IGF2BP2: variants seen among roughly 807,000 people sequenced by gnomAD.
The protein encoded by IGF2BP2 is insulin like growth factor 2 mRNA binding protein 2.
Under a neutral mutation model 75.8 loss-of-function variants are expected in IGF2BP2, and 17 were observed. The observed-to-expected ratio is 0.22, with a 90% CI of 0.15 to 0.34. The LOEUF (loss-of-function observed/expected upper bound fraction) is 0.34, where lower values mean the gene tolerates loss of function less well. Among genes scored for constraint, IGF2BP2 ranks in the 10% least tolerant of loss-of-function variants. The pLI, the probability that IGF2BP2 is intolerant of heterozygous loss-of-function variation, is 1.00. For synonymous variants in IGF2BP2, 288 were observed against 295.6 expected (o/e 0.97, Z 0.26); for missense variants, 516 against 772.4 (o/e 0.67, Z 3.93).
chr3:185,674,142 G>T (rs1051817769), intron 9 of IGF2BP2, among the ~76,000 whole-genome samples: 2 of 152,190 alleles, frequency 1.3e-5, no homozygotes, highest in African/African-American at 4.8e-5. Flanking sequence ...GTGCTGCAGT[G>T]AGGGACCTGG....
chr3:185,789,976 T>C (rs904104124), intron 2 of IGF2BP2, among the ~76,000 whole-genome samples: 10 of 152,138 alleles, frequency 6.6e-5, no homozygotes, highest in Admixed American at 1.3e-4. Flanking sequence ...TCAGGTTACC[T>C]GCCCACCTCA....
intron 2 of IGF2BP2, among the ~76,000 whole-genome samples, chr3:185,706,562 A>C (rs1724050550): frequency 6.6e-6 from 1 of 152,258 alleles, no homozygotes; most frequent in Admixed American, 6.5e-5. Flanking sequence ...TAGAACTTGC[A>C]TGAAATGACC....
chr3:185,707,968 A>G (rs1724285141), intron 2 of IGF2BP2, among the ~76,000 whole-genome samples: 1 of 152,212 alleles, frequency 6.6e-6, no homozygotes, highest in South Asian at 2.1e-4. Flanking sequence ...GATGAAGTCT[A>G]ATGTTTCTGA....
Position 185,787,241 on chromosome 3 carries a change from A to G in IGF2BP2, c.239+35912T>C, listed in dbSNP as rs147356642. On this transcript the variant is annotated intron_variant, in intron 2 of 15. Transcript: ENST00000382199. ...ATGGCTGCATAAACAACGTGAATGT[A>G]GTTAACGCTCCTGAGTTGCACACTT... 1.8e-3 allele frequency among the ~76,000 whole-genome samples: 276 copies of G among 152,344 alleles called. 3 individuals carry two copies. The highest frequency in any genetic ancestry group is 6.1e-3 in the African/African-American group (252 of 41,580).
At chr3:185,710,987 C>T (rs895096870) in intron 2 of IGF2BP2, among the ~76,000 whole-genome samples, 3 of 152,004 alleles carry the variant, frequency 2.0e-5, no homozygotes, top group Non-Finnish European at 2.9e-5. Flanking sequence ...CCTAATGTCA[C>T]GTGATTTAAA....
chr3:185,823,110 G>A (rs1741573784), intron 2 of IGF2BP2, 43 bp downstream of exon 2: 2 of 1,362,494 alleles, frequency 1.5e-6, no homozygotes, highest in Non-Finnish European at 2.0e-6. Flanking sequence ...TTACTTATAC[G>A]TAAGGCCAAT....
intron 2 of IGF2BP2, among the ~76,000 whole-genome samples, chr3:185,775,297 G>A (rs1734406283): frequency 6.6e-6 from 1 of 152,210 alleles, no homozygotes; most frequent in African/African-American, 2.4e-5. Context: ...TTTTGTAAAG[G>A]AGTTGTTCCA....
intron 7 of IGF2BP2, among the ~76,000 whole-genome samples, chr3:185,680,098 A>G (rs1382143476): frequency 6.6e-6 from 1 of 152,210 alleles, no homozygotes. Flanking sequence ...TTCAATAACT[A>G]CAATCAGAAA....
intron 10 of IGF2BP2, among the ~76,000 whole-genome samples, chr3:185,661,890 T>TG (rs1313982455): frequency 6.6e-6 from 1 of 151,794 alleles, no homozygotes; most frequent in Non-Finnish European, 1.5e-5. Flanking sequence ...AGGGAGGAGA[T>TG]GGAGCCCCAG....
At chr3:185,742,367 G>T (rs1295297638) in intron 2 of IGF2BP2, among the ~76,000 whole-genome samples, 1 of 152,080 alleles carries the variant, frequency 6.6e-6, no homozygotes, top group Admixed American at 6.6e-5. Flanking sequence ...ATGGTGCCGG[G>T]TGCCCGTAAT....
intron 2 of IGF2BP2, 150 bp downstream of exon 2, chr3:185,823,003 A>G (rs1741559417): frequency 2.0e-6 from 1 of 500,152 alleles, no homozygotes; most frequent in East Asian, 3.4e-5. Flanking sequence ...AAAAAAAAAA[A>G]GTAGCTTTCT....
intron 2 of IGF2BP2, among the ~76,000 whole-genome samples, chr3:185,753,994 A>C (rs1560415269): frequency 6.6e-6 from 1 of 152,026 alleles, no homozygotes; most frequent in African/African-American, 2.4e-5. Context: ...ACTTGAGCTC[A>C]GGAGTTCGAG....
intron 11 of IGF2BP2, 90 bp from the exon 12 acceptor site, chr3:185,657,492 C>A: frequency 1.0e-6 from 1 of 977,500 alleles, no homozygotes; most frequent in East Asian, 2.4e-5. Flanking sequence ...TACCATGAAC[C>A]CCATGGTGGG....
chr3:185,668,846 G>A (rs532265990), intron 10 of IGF2BP2, among the ~76,000 whole-genome samples: 6 of 152,058 alleles, frequency 3.9e-5, no homozygotes, highest in Non-Finnish European at 5.9e-5. Flanking sequence ...CTTAATTACC[G>A]TTATAACAAT....
chr3:185,761,656 T>TA (rs941146187), intron 2 of IGF2BP2, among the ~76,000 whole-genome samples: 5 of 152,342 alleles, frequency 3.3e-5, no homozygotes, highest in African/African-American at 1.2e-4. Flanking sequence ...CCTCCCCTGA[T>TA]AGAGTTCAAC....
At position 185,643,197 on chromosome 3, in the gene IGF2BP2, G is replaced by A. The variant is rs550350987; in HGVS notation, c.*2334C>T. ...GGTGGTCTGGAACTGAACCTGCGACGTTCCTGAGGTATGCCTGCACTTACT... is the reference window on the plus strand; with the variant it reads ...GGTGGTCTGGAACTGAACCTGCGACATTCCTGAGGTATGCCTGCACTTACT... On this transcript the variant is annotated 3_prime_UTR_variant, in exon 16 of 16. Coordinates refer to ENST00000382199, the MANE Select transcript of IGF2BP2 (RefSeq NM_006548.6). Among the ~76,000 whole-genome samples, 28 of 152,300 alleles carry A rather than the reference G, an allele frequency of 1.8e-4. No homozygotes were observed. Among genetic ancestry groups the A allele is most frequent in the African/African-American group, 6.0e-4 (25 of 41,560 alleles).
intron 2 of IGF2BP2, among the ~76,000 whole-genome samples, chr3:185,776,248 A>C (rs755436367): frequency 3.0e-4 from 45 of 152,148 alleles, no homozygotes; most frequent in Admixed American, 9.8e-4. Context: ...TCTGCCTCTA[A>C]AAAAATAATA....
At chr3:185,749,502 C>CT (rs1415466265) in intron 2 of IGF2BP2, among the ~76,000 whole-genome samples, 1 of 152,174 alleles carries the variant, frequency 6.6e-6, no homozygotes, top group Non-Finnish European at 1.5e-5. Flanking sequence ...CATGAATGAG[C>CT]TAATTGCTCT....
At chr3:185,744,764 G>C (rs1231926782) in intron 2 of IGF2BP2, among the ~76,000 whole-genome samples, 1 of 152,198 alleles carries the variant, frequency 6.6e-6, no homozygotes, top group Non-Finnish European at 1.5e-5. Context: ...AGCTGAGACT[G>C]TGCCATTGCA....
Sources: gnomAD v4.1 joint callset for allele counts (sites outside exome capture counted in the v4.1 genomes callset) on GRCh38, gnomAD v4.1.1 for gene constraint, MANE v1.5 for transcripts, NCBI Gene and HGNC (gene_info 2026-07-23, HGNC 2026-07-21) for gene names.